The following SRGAP2 variants were observed in gnomAD, a reference collection of about 807,000 sequenced individuals.
SRGAP2 encodes the protein SLIT-ROBO Rho GTPase-activating protein 2.
Under a neutral mutation model 57.2 loss-of-function variants are expected in SRGAP2, and 15 were observed. The observed-to-expected ratio is 0.26, with a 90% CI of 0.18 to 0.40. The LOEUF (loss-of-function observed/expected upper bound fraction) is 0.40. SRGAP2 is among the 10% of genes least tolerant of loss of function. The probability of loss-of-function intolerance (pLI) is 1.00; values close to 1 mark genes in which losing one functional copy is unlikely to be tolerated. For missense variants in SRGAP2, 520 were observed against 669.6 expected (o/e 0.78, Z 2.47); for synonymous variants, 249 against 248.0 (o/e 1.00, Z -0.04).
intron 4 of SRGAP2, among the ~76,000 whole-genome samples, chr1:206,366,583 T>C (rs1353905320): frequency 6.6e-6 from 1 of 152,058 alleles, no homozygotes; most frequent in African/African-American, 2.4e-5. Context: ...TGTTTTCTTT[T>C]TGCGATAACT....
chr1:206,376,173 CT>C (rs1480546010), intron 4 of SRGAP2, among the ~76,000 whole-genome samples: 1 of 152,006 alleles, frequency 6.6e-6, no homozygotes, highest in Non-Finnish European at 1.5e-5. Flanking sequence ...TCTGCCACCC[CT>C]ACCTTCATCA....
chr1:206,262,881 G>GTT lies in SRGAP2; in HGVS notation c.68-40387_68-40386dup, dbSNP rs564766960. Among the ~76,000 whole-genome samples, 51 of 63,588 alleles carry GTT rather than the reference G, an allele frequency of 8.0e-4. 1 individual carries two copies. The highest frequency in any genetic ancestry group is 1.6e-3 in the African/African-American group (28 of 18,044). The allele number at this position is 63,588 out of a possible 152,430, so 41.7% of individuals were successfully genotyped here. A position where few individuals can be genotyped will look rare whatever the true frequency, so the allele number is the denominator to read the frequency against. ...TGAACAGGGTTTTATCGTGGGTTTT[G>GTT]TTTTTTTTTTTTTTGTCTTCTGAAA... On this transcript the variant is annotated intron_variant, in intron 2 of 22. Transcript: ENST00000573034.
rs546109156 is a variant in SRGAP2, at chr1:206,243,540, A to G, written c.67+37503A>G. Among the ~76,000 whole-genome samples, 44 of 152,332 alleles carry G rather than the reference A, an allele frequency of 2.9e-4. No homozygotes were observed. The South Asian group carries it at 8.7e-3, about 30-fold the overall frequency. ...CTAGAGCCAAGAGGCTTCGAGTCAT[A>G]GGGAAACTCATGACAGTTGCTAGTG... On this transcript the variant is annotated intron_variant, in intron 2 of 22. Coordinates refer to ENST00000573034, the MANE Select transcript of SRGAP2 (RefSeq NM_015326.5).
chr1:206,309,158 C>A (rs1553322993), intron 3 of SRGAP2, among the ~76,000 whole-genome samples: 1 of 145,642 alleles, frequency 6.9e-6, no homozygotes, highest in South Asian at 2.2e-4. Context: ...AGAGTGAGAC[C>A]CTGTGTCTTA....
At chr1:206,258,300 A>G (rs1668959572) in intron 2 of SRGAP2, among the ~76,000 whole-genome samples, 1 of 145,964 alleles carries the variant, frequency 6.9e-6, no homozygotes, top group South Asian at 2.1e-4. Flanking sequence ...AGAGTTGAGT[A>G]GTTTCAACAG....
intron 4 of SRGAP2, among the ~76,000 whole-genome samples, chr1:206,373,032 T>TTC (rs1293805529): frequency 5.4e-5 from 7 of 129,612 alleles, no homozygotes; most frequent in Non-Finnish European, 8.3e-5. Flanking sequence ...TTTCTTTTCT[T>TTC]TCTCTCTCTC....
chr1:206,238,854 G>A (rs1380497661), intron 2 of SRGAP2, among the ~76,000 whole-genome samples: 1 of 147,982 alleles, frequency 6.8e-6, no homozygotes, highest in Non-Finnish European at 1.5e-5. Context: ...TCACTTGTTG[G>A]AGGGCCCTTC....
intron 2 of SRGAP2, among the ~76,000 whole-genome samples, chr1:206,281,872 C>T (rs1670756343): frequency 7.0e-6 from 1 of 143,100 alleles, no homozygotes; most frequent in Admixed American, 6.8e-5. Context: ...AGAGATCGCA[C>T]CACTGCACTC....
chr1:206,335,023 C>G (rs1553333274), intron 3 of SRGAP2, among the ~76,000 whole-genome samples: 2 of 149,950 alleles, frequency 1.3e-5, no homozygotes, highest in Non-Finnish European at 2.9e-5. Flanking sequence ...GTTATGAATT[C>G]TTTTTAAGCT....
intron 7 of SRGAP2, among the ~76,000 whole-genome samples, chr1:206,394,627 C>T (rs1657389975): frequency 6.6e-6 from 1 of 152,146 alleles, no homozygotes. Context: ...TCCAGCTCCC[C>T]CTGACATCTG....
At chr1:206,326,800 G>T (rs71244797) in intron 3 of SRGAP2, among the ~76,000 whole-genome samples, 1 of 152,100 alleles carries the variant, frequency 6.6e-6, no homozygotes, top group African/African-American at 2.4e-5. Context: ...AGTCTCAGCT[G>T]CATTAGGCAC....
intron 22 of SRGAP2, among the ~76,000 whole-genome samples, chr1:206,460,674 AT>A (rs1475662753): frequency 1.3e-5 from 2 of 152,082 alleles, no homozygotes; most frequent in Admixed American, 1.3e-4. Flanking sequence ...TGGATAACAA[AT>A]CCCCATGTAC....
At chr1:206,245,385 G>A (rs1230319207) in intron 2 of SRGAP2, among the ~76,000 whole-genome samples, 2 of 151,952 alleles carry the variant, frequency 1.3e-5, no homozygotes, top group East Asian at 3.9e-4. Flanking sequence ...GTGTGTTATT[G>A]TTTTTCTAAC....
At chr1:206,457,017 T>C (rs1663896829) in intron 21 of SRGAP2, among the ~76,000 whole-genome samples, 1 of 152,072 alleles carries the variant, frequency 6.6e-6, no homozygotes, top group Non-Finnish European at 1.5e-5. Flanking sequence ...CCAAAGACAC[T>C]TTGAATACCT....
chr1:206,454,082 C>T lies in SRGAP2; in HGVS notation c.2360+702C>T. 1.4e-6 allele frequency: 1 copy of T among 702,180 alleles called. No homozygotes were observed. The highest frequency in any genetic ancestry group is 2.0e-5 in the Admixed American group (1 of 49,968). The allele number at this position is 702,180 out of a possible 1,614,324, so 43.5% of individuals were successfully genotyped here. Reference sequence around the variant, plus strand: ...TTTGCCCTGTCTCTGTCCCCAGCTCCCCTCCCTTGGATACGATGCTGTCAG... The same window carrying T: ...TTTGCCCTGTCTCTGTCCCCAGCTCTCCTCCCTTGGATACGATGCTGTCAG... On this transcript the variant is annotated intron_variant, in intron 20 of 22. Transcript: ENST00000573034. This position sits in a 1 kb window ranked among gnomAD's most constrained non-coding sequence, Gnocchi z 4.3.
chr1:206,248,282 A>G (rs147384133), intron 2 of SRGAP2, among the ~76,000 whole-genome samples: 2,248 of 152,274 alleles, frequency 0.015, 18 homozygotes, highest in Middle Eastern at 0.024. Context: ...TTGTCGCTGT[A>G]TTTTAGATGG....
At chr1:206,452,783 G>A (rs560265660) in intron 19 of SRGAP2, among the ~76,000 whole-genome samples, 21 of 151,698 alleles carry the variant, frequency 1.4e-4, no homozygotes, top group African/African-American at 4.6e-4. Context: ...CTACTTGGGA[G>A]GCTGAGGCAG....
intron 3 of SRGAP2, among the ~76,000 whole-genome samples, chr1:206,340,624 G>A (rs1239266645): frequency 1.3e-5 from 2 of 150,930 alleles, no homozygotes; most frequent in East Asian, 1.9e-4. Context: ...GAGGACATGG[G>A]TATCTTGCCG....
chr1:206,319,117 C>A (rs1673268033), intron 3 of SRGAP2, among the ~76,000 whole-genome samples: 1 of 151,634 alleles, frequency 6.6e-6, no homozygotes, highest in South Asian at 2.1e-4. Flanking sequence ...TTCATTACTT[C>A]ATTAAACAGA....
Sources: gnomAD v4.1 joint callset for allele counts (sites outside exome capture counted in the v4.1 genomes callset) on GRCh38, gnomAD v4.1.1 for gene constraint, Gnocchi (gnomAD v3.1) non-coding constraint, MANE v1.5 for transcripts, NCBI Gene and HGNC (gene_info 2026-07-23, HGNC 2026-07-21) for gene names.